The following MEF2C variants were observed in gnomAD, a reference collection of about 807,000 sequenced individuals.
MEF2C encodes the protein myocyte enhancer factor 2C, also known as myocyte-specific enhancer factor 2C.
In MEF2C, 6 loss-of-function variants were observed where a neutral mutation model predicts 50.5. The observed-to-expected ratio is 0.12, with a 90% CI of 0.07 to 0.23. The LOEUF is 0.23. Ranked by LOEUF, MEF2C falls within the 10% of genes least tolerant of loss-of-function variation. MEF2C has a pLI of 1.00. For missense variants in MEF2C, 276 were observed against 605.0 expected, an observed-to-expected ratio of 0.46 and a Z score of 5.70; for synonymous variants, 183 against 228.0, an observed-to-expected ratio of 0.80 and a Z score of 1.78.
intron 6 of MEF2C, chr5:88,738,348 G>A (rs1334766663): frequency 1.0e-6 from 1 of 985,154 alleles, no homozygotes; most frequent in Non-Finnish European, 1.2e-6. Context: ...CACATTAACT[G>A]CTCAGAAGAG....
At chr5:88,891,654 C>G (rs1353112471) in intron 1 of MEF2C, among the ~76,000 whole-genome samples, 3 of 152,088 alleles carry the variant, frequency 2.0e-5, no homozygotes, top group Non-Finnish European at 4.4e-5. Flanking sequence ...TCGTGATCTG[C>G]CTGTCTCGGC....
Position 88,802,685 on chromosome 5 carries a change from G to A in MEF2C, c.258+1913C>T, listed in dbSNP as rs1798866191. ...GCTGCTCTCAAACTCCTGAGCTCAG[G>A]CAATCTGCCCACCTAGGCCTCCCAA... is the stretch of plus-strand genomic sequence containing the variant. On this transcript the variant is annotated intron_variant, in intron 3 of 10. Transcript: ENST00000504921. Among the ~76,000 whole-genome samples the A allele has an allele frequency of 2.0e-5, 3 of 152,136 alleles. No individual in the cohort carries two copies. In the South Asian group the frequency reaches 6.2e-4, roughly 32 times the overall value.
intron 6 of MEF2C, among the ~76,000 whole-genome samples, chr5:88,745,332 A>T (rs993813181): frequency 4.6e-5 from 7 of 152,260 alleles, no homozygotes; most frequent in African/African-American, 1.7e-4. Context: ...AGCACAGGAA[A>T]GAGGTGCATA....
At chr5:88,811,274 A>C (rs1471167441) in intron 2 of MEF2C, among the ~76,000 whole-genome samples, 1 of 152,148 alleles carries the variant, frequency 6.6e-6, no homozygotes, top group Non-Finnish European at 1.5e-5. Flanking sequence ...AACATTTTCT[A>C]AGGTCTGAAG....
Position 88,728,603 on chromosome 5 carries a change from C to T in MEF2C, c.990G>A (p.Leu330=). The change falls in exon 10 of 11, where the codon CTG becomes CTA. Residue 330 remains leucine, a synonymous_variant. Coordinates refer to ENST00000504921, the MANE Select transcript of MEF2C (RefSeq NM_002397.5). ...GTEYSLSSAD[L]SSLSGFNTAS... is the part of the protein sequence containing the mutation. ...CGGTGTTAAACCCAGACAGAGATGA[C>T]AGGTCTGCACTACTCAGAGAGTACT... 2 of 1,514,986 alleles carry T rather than the reference C, an allele frequency of 1.3e-6. No individual in the cohort carries two copies. Among genetic ancestry groups the T allele is most frequent in the South Asian group, 2.6e-5 (2 of 75,750 alleles). 93.8% of individuals were successfully genotyped at this position (1,514,986 alleles called of 1,614,324 possible). A position where few individuals can be genotyped will look rare whatever the true frequency, so the allele number is the denominator to read the frequency against.
intron 1 of MEF2C, among the ~76,000 whole-genome samples, chr5:88,856,414 A>G: frequency 6.6e-6 from 1 of 152,242 alleles, no homozygotes; most frequent in East Asian, 1.9e-4. Flanking sequence ...AGAAAAACCC[A>G]TTTTTTGATG....
chr5:88,822,275 T>A (rs1808767666), intron 2 of MEF2C, among the ~76,000 whole-genome samples: 1 of 151,978 alleles, frequency 6.6e-6, no homozygotes, highest in Non-Finnish European at 1.5e-5. Flanking sequence ...CTGGTCCAAA[T>A]AACAAGGTCC....
In MEF2C at chr5:88,722,273, T is replaced by C. The variant is rs1009206336; in HGVS notation, c.*331A>G. 1 of 214,738 alleles carries C rather than the reference T, an allele frequency of 4.7e-6. No homozygotes were observed. Among genetic ancestry groups the C allele is most frequent in the East Asian group, 1.0e-4 (1 of 9,660 alleles). The allele number at this position is 214,738 out of a possible 1,614,324, so 13.3% of individuals were successfully genotyped here. On this transcript the variant is annotated 3_prime_UTR_variant, in exon 11 of 11. Transcript: ENST00000504921. ...AAATGTTTCCTTTTGTCTATTTACA[T>C]GTAAATAACGTTGAACCTGCAACAT...
At chr5:88,826,309 A>G (rs1435674996) in intron 1 of MEF2C, among the ~76,000 whole-genome samples, 2 of 152,050 alleles carry the variant, frequency 1.3e-5, no homozygotes, top group African/African-American at 4.8e-5. Flanking sequence ...TGTAGAGAGA[A>G]GCAAGTTTAA....
At chr5:88,743,433 T>C (rs1237018912) in intron 6 of MEF2C, 2 of 985,264 alleles carry the variant, frequency 2.0e-6, no homozygotes, top group South Asian at 4.7e-5. Context: ...ACAATGGTGC[T>C]GGTACAGAAA....
At chr5:88,800,149 C>T (rs1003529207) in intron 3 of MEF2C, among the ~76,000 whole-genome samples, 2 of 152,094 alleles carry the variant, frequency 1.3e-5, no homozygotes, top group African/African-American at 4.8e-5. Context: ...TGAGAGATTC[C>T]TTCCTGGCTG....
chr5:88,867,230 A>G (rs1581761417), intron 1 of MEF2C, among the ~76,000 whole-genome samples: 1 of 152,322 alleles, frequency 6.6e-6, no homozygotes, highest in Middle Eastern at 3.4e-3. Context: ...TTATATTGTC[A>G]TTCCAAGGTT....
At chr5:88,850,437 C>T (rs552897106) in intron 1 of MEF2C, among the ~76,000 whole-genome samples, 1 of 152,196 alleles carries the variant, frequency 6.6e-6, no homozygotes, top group Non-Finnish European at 1.5e-5. Context: ...CCAGCATCTG[C>T]TTTTTAACTA....
chr5:88,800,042 G>A (rs1187823223), intron 3 of MEF2C, among the ~76,000 whole-genome samples: 1 of 152,166 alleles, frequency 6.6e-6, no homozygotes, highest in East Asian at 1.9e-4. Context: ...GAGCAGCAAA[G>A]GGCCTTGTGT....
upstream of MEF2C, among the ~76,000 whole-genome samples, chr5:88,887,036 G>T (rs1203458321): frequency 6.6e-6 from 1 of 152,168 alleles, no homozygotes; most frequent in Non-Finnish European, 1.5e-5. Flanking sequence ...AACTGGGGCG[G>T]TTGCCACAGC....
intron 1 of MEF2C, among the ~76,000 whole-genome samples, chr5:88,837,002 CAAAAA>C (rs10692741): frequency 4.6e-5 from 4 of 87,014 alleles, no homozygotes; most frequent in Non-Finnish European, 8.6e-5. Flanking sequence ...AGCTGTTTCT[CAAAAA>C]AAAAAAAAAA....
At chr5:88,881,779 A>G (rs1832953907) in intron 1 of MEF2C, among the ~76,000 whole-genome samples, 1 of 147,884 alleles carries the variant, frequency 6.8e-6, no homozygotes, top group African/African-American at 2.5e-5. Context: ...CCTTTATAGC[A>G]CTTAGAAATT....
chr5:88,733,321 G>C, intron 6 of MEF2C: 8 of 985,346 alleles, frequency 8.1e-6, no homozygotes, highest in Non-Finnish European at 9.6e-6. Flanking sequence ...GAAAAGAGAG[G>C]GGTGTCAGAG....
chr5:88,897,353 T>C (rs1183431140), intron 1 of MEF2C, among the ~76,000 whole-genome samples: 4 of 152,192 alleles, frequency 2.6e-5, no homozygotes, highest in Admixed American at 1.3e-4. Flanking sequence ...CAAAATAAAC[T>C]CACCCACAGG....
Sources: allele counts gnomAD v4.1 joint callset (sites outside exome capture counted in the v4.1 genomes callset), GRCh38; gene constraint gnomAD v4.1.1; transcripts MANE v1.5; gene names NCBI Gene and HGNC (gene_info 2026-07-23, HGNC 2026-07-21).